ZBTB7C: variants seen among roughly 807,000 people sequenced by gnomAD.
The protein encoded by ZBTB7C is zinc finger and BTB domain-containing protein 7C.
In ZBTB7C, 8 loss-of-function variants were observed where a neutral mutation model predicts 25.7. That is an observed-to-expected ratio of 0.31 (90% CI 0.18 to 0.56). ZBTB7C has a LOEUF of 0.56. ZBTB7C is among the 20% of genes least tolerant of loss of function. ZBTB7C has a pLI of 0.91. For synonymous variants in ZBTB7C, 394 were observed against 369.0 expected (o/e 1.07, Z -0.78); for missense variants, 824 against 855.2 (o/e 0.96, Z 0.46).
chr18:48,396,518 C>T (rs995838406), intron 1 of ZBTB7C, among the ~76,000 whole-genome samples: 2 of 152,106 alleles, frequency 1.3e-5, no homozygotes, highest in Non-Finnish European at 2.9e-5. Context: ...CATAGGAGGG[C>T]TTTTTTTGTT....
chr18:48,210,293 A>G (rs1475159864), intron 2 of ZBTB7C, among the ~76,000 whole-genome samples: 2 of 152,250 alleles, frequency 1.3e-5, no homozygotes, highest in African/African-American at 4.8e-5. Context: ...GAGTTACCAT[A>G]TGATCCAGAA....
At chr18:48,148,228 C>T (rs929346497) in intron 3 of ZBTB7C, 4 of 148,408 alleles carry the variant, frequency 2.7e-5, no homozygotes, top group Admixed American at 1.4e-4. Flanking sequence ...AGTCTGGTCT[C>T]GAACGCCTGA....
At chr18:48,411,867 T>C (rs1385040846), upstream of ZBTB7C, among the ~76,000 whole-genome samples, 3 of 152,260 alleles carry the variant, frequency 2.0e-5, no homozygotes, top group Admixed American at 2.0e-4. Context: ...CTTTAGCTCA[T>C]GGAATAGCGT....
At chr18:48,051,211 G>A (rs529595360) in intron 3 of ZBTB7C, among the ~76,000 whole-genome samples, 4 of 152,242 alleles carry the variant, frequency 2.6e-5, no homozygotes, top group Non-Finnish European at 5.9e-5. Flanking sequence ...GCAAAAGCCA[G>A]GGTGCGCTTC....
chr18:48,070,078 C>G (rs1029319631), intron 3 of ZBTB7C, among the ~76,000 whole-genome samples: 1 of 152,194 alleles, frequency 6.6e-6, no homozygotes, highest in Non-Finnish European at 1.5e-5. Context: ...AGCCAGAAGT[C>G]AAATCCAGGT....
chr18:48,295,203 C>T (rs920714103), intron 2 of ZBTB7C, among the ~76,000 whole-genome samples: 5 of 152,150 alleles, frequency 3.3e-5, no homozygotes, highest in African/African-American at 4.8e-5. Flanking sequence ...AGCCATGCCC[C>T]GGAGTCTTCG....
At chr18:48,343,841 C>A (rs749022200) in intron 1 of ZBTB7C, among the ~76,000 whole-genome samples, 8 of 152,202 alleles carry the variant, frequency 5.3e-5, no homozygotes, top group Non-Finnish European at 1.2e-4. Flanking sequence ...CTGCCTGCCA[C>A]CTGCAGATTG....
intron 1 of ZBTB7C, among the ~76,000 whole-genome samples, chr18:48,379,771 C>G (rs575725745): frequency 1.3e-5 from 2 of 152,082 alleles, no homozygotes; most frequent in African/African-American, 4.8e-5. Flanking sequence ...ACTCTTAAAA[C>G]TCAACAATAA....
At chr18:48,050,830 C>T (rs8089034) in intron 3 of ZBTB7C, among the ~76,000 whole-genome samples, 39,975 of 151,986 alleles carry the variant, frequency 0.26, 5,852 homozygotes, top group African/African-American at 0.38. Flanking sequence ...GCTGAAACCC[C>T]CTGGGTTAAC....
intron 2 of ZBTB7C, among the ~76,000 whole-genome samples, chr18:48,227,983 A>T (rs2043148816): frequency 6.6e-6 from 1 of 152,184 alleles, no homozygotes; most frequent in Admixed American, 6.5e-5. Flanking sequence ...GCAATGTAGC[A>T]ATGGGAGGAA....
chr18:48,291,624 G>A (rs984444716), intron 2 of ZBTB7C, among the ~76,000 whole-genome samples: 1 of 152,120 alleles, frequency 6.6e-6, no homozygotes. Context: ...AATTTGGAAA[G>A]TGCTTTAAAA....
rs547689169 is a variant in ZBTB7C at position 48,306,879 on chromosome 18, A to G, written c.-79+31295T>C. On this transcript the variant is annotated intron_variant, in intron 2 of 4. Transcript: ENST00000590800. Reference sequence around the variant, plus strand: ...AAGGAAAAATAGGTGGGTACTTAAAACAGATATGCCCTTTGCATCGGAATT... The same window carrying G: ...AAGGAAAAATAGGTGGGTACTTAAAGCAGATATGCCCTTTGCATCGGAATT... Among the ~76,000 whole-genome samples the G allele has an allele frequency of 1.3e-4, 20 of 152,320 alleles. No individual in the cohort carries two copies. The South Asian group carries it at 4.1e-3, about 32-fold the overall frequency.
intron 3 of ZBTB7C, among the ~76,000 whole-genome samples, chr18:48,071,724 AG>A (rs1460392643): frequency 1.3e-5 from 2 of 152,262 alleles, no homozygotes; most frequent in Admixed American, 1.3e-4. Context: ...ACTAGCTCAA[AG>A]GTGGAAACAA....
At chr18:48,156,249 C>A (rs1462764285) in intron 3 of ZBTB7C, among the ~76,000 whole-genome samples, 1 of 152,208 alleles carries the variant, frequency 6.6e-6, no homozygotes, top group Non-Finnish European at 1.5e-5. Context: ...AGAAGACCTG[C>A]CCACGTGACA....
chr18:48,334,470 C>T (rs757956461), intron 2 of ZBTB7C, among the ~76,000 whole-genome samples: 13 of 152,258 alleles, frequency 8.5e-5, no homozygotes, highest in African/African-American at 1.4e-4. Context: ...CTCCCAGACC[C>T]GAAAACACCC....
At chr18:48,216,466 G>A (rs4940336) in intron 2 of ZBTB7C, among the ~76,000 whole-genome samples, 18,358 of 151,442 alleles carry the variant, frequency 0.12, 1,497 homozygotes, top group Non-Finnish European at 0.18. Context: ...GGGCAACCCA[G>A]TTGCTAGGAG....
chr18:48,086,492 T>C lies in ZBTB7C; in HGVS notation c.-16-45369A>G, dbSNP rs58336610. 9.9e-3 allele frequency among the ~76,000 whole-genome samples: 1,509 copies of C among 152,298 alleles called. 27 individuals carry two copies. The highest frequency in any genetic ancestry group is 0.035 in the African/African-American group (1,452 of 41,564). On this transcript the variant is annotated intron_variant, in intron 3 of 4. Coordinates refer to ENST00000590800, the MANE Select transcript of ZBTB7C (RefSeq NM_001318841.2). The stretch of plus-strand genomic sequence containing the variant: ...CATTTTCTGTTTCCCTAACACCCCG[T>C]GTATGGTCCCATTGCTCACACAAGC...
rs2039651396 is a variant in ZBTB7C, at chr18:48,122,108, T to C, written c.-17+63826A>G. Among the ~76,000 whole-genome samples, 5 of 152,152 alleles carry C rather than the reference T, an allele frequency of 3.3e-5. 1 individual carries two copies. In the South Asian group the frequency reaches 1.0e-3, roughly 32 times the overall value. On this transcript the variant is annotated intron_variant, in intron 3 of 4. Transcript: ENST00000590800. ...GGAGCCATCTAGATCGGGCTGTTCATGTTGCTGTGACCAAAACTCTCAGAG... is the reference window on the plus strand; with the variant it reads ...GGAGCCATCTAGATCGGGCTGTTCACGTTGCTGTGACCAAAACTCTCAGAG...
chr18:48,082,688 C>T (rs992871442), intron 3 of ZBTB7C, among the ~76,000 whole-genome samples: 3 of 149,968 alleles, frequency 2.0e-5, no homozygotes, highest in Non-Finnish European at 4.4e-5. Context: ...ACCTCCCGTG[C>T]GCTGGGCATG....
Sources: gnomAD v4.1 joint callset for allele counts (sites outside exome capture counted in the v4.1 genomes callset) on GRCh38, gnomAD v4.1.1 for gene constraint, MANE v1.5 for transcripts, NCBI Gene and HGNC (gene_info 2026-07-23, HGNC 2026-07-21) for gene names.